Variants in GRAMD1B observed in about 807,000 individuals in gnomAD.
The protein encoded by GRAMD1B is GRAM domain containing 1B, also known as protein Aster-B.
In GRAMD1B, 37 loss-of-function variants were observed where a neutral mutation model predicts 99.7. That is an observed-to-expected ratio of 0.37 (90% CI 0.29 to 0.49). GRAMD1B has a LOEUF of 0.49. Among genes scored for constraint, GRAMD1B ranks in the 20% least tolerant of loss-of-function variants. The pLI is 0.98. For missense variants in GRAMD1B, 888 were observed against 1,009.2 expected (o/e 0.88, Z 1.63); for synonymous variants, 427 against 387.6 (o/e 1.10, Z -1.19).
At chr11:123,481,307 T>C (rs1463520287) in intron 2 of GRAMD1B, among the ~76,000 whole-genome samples, 2 of 152,064 alleles carry the variant, frequency 1.3e-5, no homozygotes, top group African/African-American at 4.8e-5. Context: ...CTACAAAAAT[T>C]AGCCAGACAT....
upstream of GRAMD1B, among the ~76,000 whole-genome samples, chr11:123,426,438 C>T (rs1054412301): frequency 6.6e-6 from 1 of 152,228 alleles, no homozygotes; most frequent in South Asian, 2.1e-4. Context: ...AGAGTGAAAT[C>T]TGGCCATCCT....
At chr11:123,611,895 G>C (rs1953637724) in intron 14 of GRAMD1B, among the ~76,000 whole-genome samples, 1 of 152,156 alleles carries the variant, frequency 6.6e-6, no homozygotes, top group Non-Finnish European at 1.5e-5. Flanking sequence ...AGAATCTATT[G>C]ACAGATGCAG....
rs1202075314 is a variant in GRAMD1B at position 123,610,502 on chromosome 11, T to C, written c.1919+164T>C. Reference sequence around the variant, plus strand: ...TATGAGGCTCACCCACCACTCTGTTTGAGTTAATTATTCTCTCCACTCTCT... The same window carrying C: ...TATGAGGCTCACCCACCACTCTGTTCGAGTTAATTATTCTCTCCACTCTCT... On this transcript the variant is annotated intron_variant, in intron 14 of 19. Transcript: ENST00000635736. This position sits in a 1 kb window ranked among gnomAD's most constrained non-coding sequence, Gnocchi z 4.1. 6.6e-6 allele frequency among the ~76,000 whole-genome samples: 1 copy of C among 152,202 alleles called. No individual in the cohort carries two copies. Among genetic ancestry groups the C allele is most frequent in the Non-Finnish European group, 1.5e-5 (1 of 68,026 alleles).
chr11:123,379,307 T>G (rs1329914231), intron 1 of GRAMD1B, among the ~76,000 whole-genome samples: 1 of 152,202 alleles, frequency 6.6e-6, no homozygotes, highest in Non-Finnish European at 1.5e-5. Context: ...TCAGTTTGAA[T>G]GCTTTCGTTG....
intron 2 of GRAMD1B, among the ~76,000 whole-genome samples, chr11:123,548,446 A>C (rs578072756): frequency 1.3e-5 from 2 of 151,502 alleles, no homozygotes; most frequent in Admixed American, 1.3e-4. Context: ...AAAGCCAGGC[A>C]ACAGACAGCA....
chr11:123,368,418 C>T (rs999980782), intron 1 of GRAMD1B, among the ~76,000 whole-genome samples: 1 of 151,850 alleles, frequency 6.6e-6, no homozygotes, highest in African/African-American at 2.4e-5. Flanking sequence ...CAGTGGTTCA[C>T]AGCTGTAATC....
intron 6 of GRAMD1B, among the ~76,000 whole-genome samples, chr11:123,595,091 G>A (rs1951111724): frequency 1.3e-5 from 2 of 152,118 alleles, no homozygotes; most frequent in Non-Finnish European, 1.5e-5. Context: ...TCAAATGCAG[G>A]CAAATATTTG....
At chr11:123,487,010 A>G (rs1170777715) in intron 2 of GRAMD1B, among the ~76,000 whole-genome samples, 2 of 152,250 alleles carry the variant, frequency 1.3e-5, no homozygotes, top group Admixed American at 6.5e-5. Flanking sequence ...CAGAGAGTGC[A>G]GTGAGCTGAG....
intron 1 of GRAMD1B, among the ~76,000 whole-genome samples, chr11:123,415,095 CTTTTTTTTTTTTTTT>C (rs1175202539): frequency 4.0e-5 from 3 of 75,832 alleles, no homozygotes; most frequent in South Asian, 5.8e-4. Flanking sequence ...CTTTTTCTTT[CTTTTTTTTTTTTTTT>C]TTTTTTTTTT....
intron 4 of GRAMD1B, among the ~76,000 whole-genome samples, chr11:123,585,937 C>T (rs2136381425): frequency 6.6e-6 from 1 of 152,244 alleles, no homozygotes; most frequent in Middle Eastern, 3.4e-3. Context: ...GGATTCTTCT[C>T]AGCCCTTTGC....
chr11:123,533,832 T>A (rs529049914), intron 2 of GRAMD1B, among the ~76,000 whole-genome samples: 2 of 152,368 alleles, frequency 1.3e-5, no homozygotes, highest in African/African-American at 4.8e-5. Flanking sequence ...AGGAGCCAAG[T>A]ACTCCAAGCA....
chr11:123,403,431 A>G (rs1399624516), intron 1 of GRAMD1B, among the ~76,000 whole-genome samples: 1 of 130,746 alleles, frequency 7.6e-6, no homozygotes, highest in East Asian at 2.0e-4. Context: ...CAGTCTCAAA[A>G]TAATGATGAT....
At chr11:123,598,655 A>G in intron 7 of GRAMD1B, 1 of 1,244,546 alleles carries the variant, frequency 8.0e-7, no homozygotes, top group Non-Finnish European at 1.2e-6. Flanking sequence ...AAGCTAAGAG[A>G]GCGGATTTCA....
rs763984941 is a variant in GRAMD1B, at chr11:123,594,094, A to C, written c.697A>C (p.Thr233Pro). 14 of 1,612,098 alleles carry C rather than the reference A, an allele frequency of 8.7e-6. No homozygotes were observed. The Admixed American group carries it at 2.0e-4, about 23-fold the overall frequency. The change falls in exon 5 of 20, where the codon ACC (threonine) becomes CCC (proline). Residue 233 changes from threonine (T) to proline (P), a missense_variant. Thr to Pro is a conservative substitution (Grantham distance 38, BLOSUM62 -1). This residue lies in a region of GRAMD1B where 62 missense variants were observed against 139.4 expected (regional missense o/e 0.44). Coordinates refer to ENST00000635736, the MANE Select transcript of GRAMD1B (RefSeq NM_001387025.1). ...SQSWYNVLSP[T>P]YKQRNEDFRK... ...TATTGTCACGCAGGTGTTAAGCCCC[A>C]CCTACAAGCAGAGAAATGAAGACTT... is the stretch of plus-strand genomic sequence containing the variant.
At chr11:123,470,398 T>A (rs925720438) in intron 1 of GRAMD1B, among the ~76,000 whole-genome samples, 1 of 152,158 alleles carries the variant, frequency 6.6e-6, no homozygotes, top group African/African-American at 2.4e-5. Context: ...ATGTCCAGGC[T>A]GGACTTAAAC....
At chr11:123,566,533 G>A (rs1439062420) in intron 2 of GRAMD1B, among the ~76,000 whole-genome samples, 4 of 152,162 alleles carry the variant, frequency 2.6e-5, no homozygotes, top group East Asian at 1.9e-4. Flanking sequence ...TTGGGAGGCC[G>A]AGGCGGGCAG....
At chr11:123,534,868 G>GA (rs112376281) in intron 2 of GRAMD1B, among the ~76,000 whole-genome samples, 5,033 of 146,212 alleles carry the variant, frequency 0.034, 269 homozygotes, top group African/African-American at 0.12. Context: ...CCATCTCAAA[G>GA]AAAAAAAAAA....
chr11:123,590,145 G>C (rs987891866), intron 4 of GRAMD1B, among the ~76,000 whole-genome samples: 9 of 152,096 alleles, frequency 5.9e-5, no homozygotes, highest in Non-Finnish European at 1.2e-4. Context: ...TTTTGGGCTT[G>C]GTCCCCCTCT....
intron 7 of GRAMD1B, among the ~76,000 whole-genome samples, chr11:123,597,596 C>T (rs1023692277): frequency 2.6e-5 from 4 of 151,812 alleles, no homozygotes; most frequent in Non-Finnish European, 5.9e-5. Flanking sequence ...GTCAGATTTA[C>T]CTGCCATGAT....
Sources: gnomAD v4.1 joint callset for allele counts (sites outside exome capture counted in the v4.1 genomes callset) on GRCh38, gnomAD v4.1.1 for gene constraint, gnomAD v4.1.1 regional missense constraint, Gnocchi (gnomAD v3.1) non-coding constraint, MANE v1.5 for transcripts, NCBI Gene and HGNC (gene_info 2026-07-23, HGNC 2026-07-21) for gene names.